Variants in RPS6KA2 observed in about 807,000 individuals in gnomAD.
RPS6KA2 encodes ribosomal protein S6 kinase alpha-2.
A neutral mutation model predicts 91.8 loss-of-function variants in RPS6KA2; 42 were observed. That is an observed-to-expected ratio of 0.46 (90% CI 0.36 to 0.59). The LOEUF is 0.59. Ranked by LOEUF, RPS6KA2 falls within the 20% of genes least tolerant of loss-of-function variation. The probability of loss-of-function intolerance (pLI) is 0.00; values close to 1 mark genes in which losing one functional copy is unlikely to be tolerated. For missense variants in RPS6KA2, 798 were observed against 978.5 expected, an observed-to-expected ratio of 0.82 and a Z score of 2.46; for synonymous variants, 414 against 393.6, an observed-to-expected ratio of 1.05 and a Z score of -0.61.
At chr6:166,656,756 G>A (rs1041907180) in intron 2 of RPS6KA2, among the ~76,000 whole-genome samples, 4 of 152,242 alleles carry the variant, frequency 2.6e-5, no homozygotes, top group Admixed American at 1.3e-4. Context: ...CTGTGGAAAA[G>A]GGAGGATGGG....
chr6:166,507,467 T>C (rs1486229225), intron 5 of RPS6KA2, among the ~76,000 whole-genome samples: 2 of 136,710 alleles, frequency 1.5e-5, no homozygotes, highest in African/African-American at 2.8e-5. Context: ...ACACACACCC[T>C]ACATAGGCAC....
rs1024470745 is a variant in RPS6KA2, at chr6:166,810,305, G to A, written c.123+47895C>T. ...ACCAGACCATATCAGATGATGTGTG[G>A]GTGCGTGGAATGCTCTGGAATGTGT... On this transcript the variant is annotated intron_variant, in intron 2 of 21. Coordinates refer to the RPS6KA2 transcript ENST00000503859. 2.6e-5 allele frequency among the ~76,000 whole-genome samples: 4 copies of A among 152,268 alleles called. No individual in the cohort carries two copies. In the South Asian group the frequency reaches 6.2e-4, roughly 24 times the overall value.
At chr6:166,627,693 G>C (rs1286604762), upstream of RPS6KA2, 1 of 152,242 alleles carries the variant, frequency 6.6e-6, no homozygotes, top group Non-Finnish European at 1.5e-5. Context: ...AGCTGCTCCG[G>C]AGCCGCGCAG....
chr6:166,544,424 G>A (rs895413998), intron 1 of RPS6KA2, among the ~76,000 whole-genome samples: 1 of 152,080 alleles, frequency 6.6e-6, no homozygotes, highest in African/African-American at 2.4e-5. Context: ...GTGGGTCCTC[G>A]GCCTTTGGTT....
At chr6:166,783,814 G>GCA (rs1778842862) in intron 2 of RPS6KA2, among the ~76,000 whole-genome samples, 6 of 110,430 alleles carry the variant, frequency 5.4e-5, no homozygotes, top group Admixed American at 2.8e-4. Context: ...ACAGTTACCT[G>GCA]TAACCACATA....
intron 13 of RPS6KA2, among the ~76,000 whole-genome samples, chr6:166,449,763 C>T (rs1439447360): frequency 6.6e-6 from 1 of 152,090 alleles, no homozygotes; most frequent in East Asian, 1.9e-4. Flanking sequence ...GGAATACCAC[C>T]ACGGAGACCA....
At chr6:166,467,647 G>A (rs1376457078) in intron 11 of RPS6KA2, among the ~76,000 whole-genome samples, 1 of 152,160 alleles carries the variant, frequency 6.6e-6, no homozygotes, top group Non-Finnish European at 1.5e-5. Context: ...TGGAGGCATG[G>A]GAAGGAGGCT....
At chr6:166,658,748 T>C (rs1425462161) in intron 2 of RPS6KA2, among the ~76,000 whole-genome samples, 2 of 152,164 alleles carry the variant, frequency 1.3e-5, no homozygotes, top group Non-Finnish European at 2.9e-5. Flanking sequence ...AATTCTGACC[T>C]TCATCTGTGC....
At chr6:166,512,873 C>CCTTTTTTTCTTTTT (rs1782519086) in intron 3 of RPS6KA2, among the ~76,000 whole-genome samples, 1 of 152,186 alleles carries the variant, frequency 6.6e-6, no homozygotes, top group Non-Finnish European at 1.5e-5. Context: ...GCTCAGATCC[C>CCTTTTTTTCTTTTT]CTTTTTTTCT....
At chr6:166,827,164 C>T (rs1780067119) in intron 2 of RPS6KA2, among the ~76,000 whole-genome samples, 1 of 143,960 alleles carries the variant, frequency 6.9e-6, no homozygotes, top group Non-Finnish European at 1.5e-5. Flanking sequence ...TGGGGAAGGC[C>T]AAGAAGAAAA....
chr6:166,516,793 G>T (rs562346333), intron 3 of RPS6KA2, among the ~76,000 whole-genome samples: 1 of 152,326 alleles, frequency 6.6e-6, no homozygotes, highest in East Asian at 1.9e-4. Context: ...TGAAGTCCCT[G>T]TTCCATCTGC....
At chr6:166,430,682 G>C (rs957018147) in intron 15 of RPS6KA2, 71 bp from the exon 16 acceptor site, 1 of 1,492,560 alleles carries the variant, frequency 6.7e-7, no homozygotes, top group African/African-American at 1.4e-5. Context: ...CTCCAGAGGG[G>C]ACAGGAGAGG....
chr6:166,629,838 T>C (rs994495094), upstream of RPS6KA2, among the ~76,000 whole-genome samples: 1 of 152,208 alleles, frequency 6.6e-6, no homozygotes, highest in African/African-American at 2.4e-5. Context: ...GATTAGCTGA[T>C]GTGTGGTCAA....
chr6:166,735,940 A>G (rs1790660396), intron 2 of RPS6KA2, among the ~76,000 whole-genome samples: 1 of 152,260 alleles, frequency 6.6e-6, no homozygotes, highest in South Asian at 2.1e-4. Context: ...GGTGATTTAT[A>G]GGTACAAATA....
At chr6:166,655,569 C>G (rs1787978506) in intron 2 of RPS6KA2, among the ~76,000 whole-genome samples, 1 of 152,208 alleles carries the variant, frequency 6.6e-6, no homozygotes, top group African/African-American at 2.4e-5. Context: ...TGAGACAGAG[C>G]AGGGCGGGTA....
intron 2 of RPS6KA2, among the ~76,000 whole-genome samples, chr6:166,712,947 C>T (rs1789907578): frequency 6.6e-6 from 1 of 152,240 alleles, no homozygotes. Context: ...GGAGACCACT[C>T]TGTGAAGCTC....
intron 1 of RPS6KA2, among the ~76,000 whole-genome samples, chr6:166,566,596 G>T (rs1375882536): frequency 6.6e-6 from 1 of 152,230 alleles, no homozygotes; most frequent in African/African-American, 2.4e-5. Flanking sequence ...GTCCCTGGAA[G>T]TCCATGCTGG....
rs1181475926 is a variant in RPS6KA2, at chr6:166,554,145, C to T, written c.100-15361G>A. Among the ~76,000 whole-genome samples, 2 of 152,220 alleles carry T rather than the reference C, an allele frequency of 1.3e-5. No homozygotes were observed. Among genetic ancestry groups the T allele is most frequent in the Non-Finnish European group, 2.9e-5 (2 of 68,044 alleles). ...GCTGCCATCACTGAAGCAACTGATGCAGTTCGTAAGTTCAGCTTTCTGCTA... is the reference window on the plus strand; with the variant it reads ...GCTGCCATCACTGAAGCAACTGATGTAGTTCGTAAGTTCAGCTTTCTGCTA... On this transcript the variant is annotated intron_variant, in intron 1 of 20. Coordinates refer to ENST00000265678, the MANE Select transcript of RPS6KA2 (RefSeq NM_021135.6). This position sits in a 1 kb window ranked among gnomAD's most constrained non-coding sequence, Gnocchi z 4.3.
chr6:166,556,022 G>A (rs1323193868), intron 1 of RPS6KA2, among the ~76,000 whole-genome samples: 1 of 152,182 alleles, frequency 6.6e-6, no homozygotes, highest in Non-Finnish European at 1.5e-5. Context: ...AAGGGCCACG[G>A]CTAGAAGCCC....
Sources: gnomAD v4.1 joint callset for allele counts (sites outside exome capture counted in the v4.1 genomes callset) on GRCh38, gnomAD v4.1.1 for gene constraint, Gnocchi (gnomAD v3.1) non-coding constraint, MANE v1.5 for transcripts, NCBI Gene and HGNC (gene_info 2026-07-23, HGNC 2026-07-21) for gene names.